CTNNA1: variants seen among roughly 807,000 people sequenced by gnomAD.
The protein encoded by CTNNA1 is catenin alpha-1.
A neutral mutation model predicts 98.4 loss-of-function variants in CTNNA1; 37 were observed. The ratio of observed to expected loss-of-function variants is 0.38; its 90% CI spans 0.29 to 0.49. The LOEUF (loss-of-function observed/expected upper bound fraction) is 0.49, where lower values mean the gene tolerates loss of function less well. CTNNA1 is among the 20% of genes least tolerant of loss of function. CTNNA1 has a pLI of 0.95. For synonymous variants in CTNNA1, 404 were observed against 413.2 expected (o/e 0.98, Z 0.27); for missense variants, 761 against 1,147.2 (o/e 0.66, Z 4.86).
At chr5:138,833,839 A>C (rs990261478) in intron 7 of CTNNA1, among the ~76,000 whole-genome samples, 6 of 152,222 alleles carry the variant, frequency 3.9e-5, no homozygotes, top group Non-Finnish European at 7.4e-5. Context: ...AATGTTTCTT[A>C]AGGATACATT....
In CTNNA1 at chr5:138,893,226, G is replaced by A. The variant is rs1453134558; in HGVS notation, c.1296+5584G>A. Among the ~76,000 whole-genome samples, 3 of 152,134 alleles carry A rather than the reference G, an allele frequency of 2.0e-5. No individual in the cohort carries two copies. The East Asian group carries it at 5.8e-4, about 29-fold the overall frequency. On this transcript the variant is annotated intron_variant, in intron 9 of 17. Coordinates refer to ENST00000302763, the MANE Select transcript of CTNNA1 (RefSeq NM_001903.5). ...GAGCAGTGGAGGCTGTCATCATTCC[G>A]GAAGGAGACTGCCCAGTGTATCCCA...
At chr5:138,753,996 C>T (rs1256745836) in intron 1 of CTNNA1, 1 of 152,272 alleles carries the variant, frequency 6.6e-6, no homozygotes, top group Non-Finnish European at 1.5e-5. Context: ...CCTGCCCCCT[C>T]CCCCTTCCCG....
chr5:138,769,379 G>GTTA (rs372870548), intron 1 of CTNNA1, among the ~76,000 whole-genome samples: 7,378 of 150,568 alleles, frequency 0.049, 215 homozygotes, highest in Non-Finnish European at 0.074. Context: ...TTATTTTTGG[G>GTTA]TTATTATTAT....
At chr5:138,782,094 A>G (rs909077234) in intron 2 of CTNNA1, 65 bp downstream of exon 2, 125 of 1,476,256 alleles carry the variant, frequency 8.5e-5, no homozygotes, top group South Asian at 3.6e-4. Flanking sequence ...GGTAACAACC[A>G]TAAGAGCAAG....
At chr5:138,862,278 T>C (rs1024424826) in intron 7 of CTNNA1, among the ~76,000 whole-genome samples, 2 of 152,182 alleles carry the variant, frequency 1.3e-5, no homozygotes, top group Non-Finnish European at 2.9e-5. Context: ...CTGGCAAATC[T>C]GCCTTGGAAC....
At chr5:138,848,744 A>G (rs1393862331) in intron 7 of CTNNA1, among the ~76,000 whole-genome samples, 1 of 151,468 alleles carries the variant, frequency 6.6e-6, no homozygotes, top group Non-Finnish European at 1.5e-5. Flanking sequence ...CTTTTTTTTG[A>G]GATAGAGTCT....
chr5:138,917,452 CTA>C (rs1017233673), intron 10 of CTNNA1, among the ~76,000 whole-genome samples: 4 of 152,176 alleles, frequency 2.6e-5, no homozygotes, highest in African/African-American at 9.6e-5. Context: ...ATATATGTGT[CTA>C]TATGAGGAGA....
intron 11 of CTNNA1, among the ~76,000 whole-genome samples, chr5:138,923,876 G>C (rs76329481): frequency 1.1e-4 from 16 of 152,226 alleles, no homozygotes. Flanking sequence ...CCACCCATCA[G>C]CTTCATAGGA....
intron 9 of CTNNA1, among the ~76,000 whole-genome samples, chr5:138,895,505 G>C (rs534774329): frequency 6.6e-4 from 43 of 65,420 alleles, no homozygotes; most frequent in East Asian, 4.3e-3. Context: ...CAGTTTTTTG[G>C]GGGGGGGGAT....
chr5:138,879,472 T>TG (rs373666769), intron 7 of CTNNA1, among the ~76,000 whole-genome samples: 5 of 151,942 alleles, frequency 3.3e-5, no homozygotes, highest in African/African-American at 1.2e-4. Flanking sequence ...GTGTTTTTTT[T>TG]GTTTTTTTTT....
chr5:138,763,132 G>A (rs970968030), intron 1 of CTNNA1, among the ~76,000 whole-genome samples: 3 of 151,516 alleles, frequency 2.0e-5, no homozygotes, highest in Non-Finnish European at 4.4e-5. Context: ...ATTCTGAATT[G>A]AAGATGTGAG....
chr5:138,912,791 T>C (rs1731859792), intron 10 of CTNNA1, among the ~76,000 whole-genome samples: 1 of 152,228 alleles, frequency 6.6e-6, no homozygotes, highest in Non-Finnish European at 1.5e-5. Context: ...CCCCAACCAA[T>C]AGCTGTTTTC....
At chr5:138,796,900 G>GT (rs1431972917) in intron 3 of CTNNA1, among the ~76,000 whole-genome samples, 2 of 152,108 alleles carry the variant, frequency 1.3e-5, no homozygotes, top group African/African-American at 2.4e-5. Flanking sequence ...AAAATGTTCT[G>GT]TTTAAGAAAT....
intron 17 of CTNNA1, among the ~76,000 whole-genome samples, chr5:138,933,274 A>G (rs976901513): frequency 6.6e-6 from 1 of 152,140 alleles, no homozygotes. Flanking sequence ...TTTTTACCAC[A>G]TCACAGTTCT....
chr5:138,896,559 A>G (rs1756857120), intron 9 of CTNNA1, among the ~76,000 whole-genome samples: 1 of 152,178 alleles, frequency 6.6e-6, no homozygotes, highest in Non-Finnish European at 1.5e-5. Flanking sequence ...TGAAGGGTGC[A>G]TAGATGTTGT....
intron 7 of CTNNA1, among the ~76,000 whole-genome samples, chr5:138,833,028 A>G (rs1023127751): frequency 1.3e-5 from 2 of 152,122 alleles, no homozygotes; most frequent in African/African-American, 4.8e-5. Flanking sequence ...GTGTTTTTCC[A>G]ATAGTAGAAT....
chr5:138,916,410 T>G (rs1013294519), intron 10 of CTNNA1, among the ~76,000 whole-genome samples: 1 of 151,494 alleles, frequency 6.6e-6, no homozygotes, highest in African/African-American at 2.4e-5. Context: ...TTTTTTTTTT[T>G]GGAGACAAGA....
At chr5:138,928,218 C>T (rs1403452071) in intron 13 of CTNNA1, among the ~76,000 whole-genome samples, 1 of 152,200 alleles carries the variant, frequency 6.6e-6, no homozygotes, top group Non-Finnish European at 1.5e-5. Flanking sequence ...CTGCTGCCCC[C>T]TTACTGATAA....
At chr5:138,877,441 C>CTTTTT (rs70982737) in intron 7 of CTNNA1, among the ~76,000 whole-genome samples, 1 of 136,810 alleles carries the variant, frequency 7.3e-6, no homozygotes, top group Non-Finnish European at 1.6e-5. Context: ...TCTTAAATTT[C>CTTTTT]TTTTTTTTTT....
Sources: allele counts gnomAD v4.1 joint callset (sites outside exome capture counted in the v4.1 genomes callset), GRCh38; gene constraint gnomAD v4.1.1; transcripts MANE v1.5; gene names NCBI Gene and HGNC (gene_info 2026-07-23, HGNC 2026-07-21).